CKAP2: variants seen among roughly 807,000 people sequenced by gnomAD.
CKAP2 encodes cytoskeleton associated protein 2.
A neutral mutation model predicts 58.4 loss-of-function variants in CKAP2; 46 were observed. That is an observed-to-expected ratio of 0.79 (90% CI 0.62 to 1.01). CKAP2 has a LOEUF of 1.01. Ranked by LOEUF, CKAP2 falls within the 50% of genes least tolerant of loss-of-function variation. The pLI, the probability that CKAP2 is intolerant of heterozygous loss-of-function variation, is 0.00. For synonymous variants in CKAP2, 293 were observed against 280.9 expected, an observed-to-expected ratio of 1.04 and a Z score of -0.43; for missense variants, 809 against 796.4, an observed-to-expected ratio of 1.02 and a Z score of -0.19.
At chr13:52,459,493 T>A (rs1029668356) in intron 2 of CKAP2, among the ~76,000 whole-genome samples, 13 of 152,044 alleles carry the variant, frequency 8.6e-5, no homozygotes. Context: ...TGGCCAATAT[T>A]TTTGATTTTA....
rs201916462 is a variant in CKAP2, at chr13:52,473,202, CT to C, written c.1547-624del. ...TCATTCTCTGCCATTCTAGACAGTCCTTTACATTGACCAAATTTAATTATGT... is the reference window on the plus strand; with the variant it reads ...TCATTCTCTGCCATTCTAGACAGTCCTTACATTGACCAAATTTAATTATGT... On this transcript the variant is annotated intron_variant, in intron 7 of 8. Coordinates refer to ENST00000258607, the MANE Select transcript of CKAP2 (RefSeq NM_018204.5). Among the ~76,000 whole-genome samples, 1,121 of 152,256 alleles carry C rather than the reference CT, an allele frequency of 7.4e-3. 6 individuals are homozygous for C. The highest frequency in any genetic ancestry group is 0.017 in the African/African-American group (698 of 41,548).
chr13:52,469,589 A>ATTTTTT (rs200067668), intron 7 of CKAP2, among the ~76,000 whole-genome samples: 1 of 140,142 alleles, frequency 7.1e-6, no homozygotes. Flanking sequence ...TTATTTATTT[A>ATTTTTT]TTTATTTATT....
chr13:52,471,517 A>T (rs1315899296), intron 7 of CKAP2, among the ~76,000 whole-genome samples: 5 of 152,166 alleles, frequency 3.3e-5, no homozygotes, highest in Non-Finnish European at 5.9e-5. Context: ...TTAAAAAAAA[A>T]AAAAGGACAA....
intron 7 of CKAP2, 111 bp from the exon 8 acceptor site, chr13:52,473,718 A>G (rs971197043): frequency 9.9e-6 from 9 of 912,844 alleles, no homozygotes; most frequent in African/African-American, 5.0e-5. Context: ...AGAGATGGCA[A>G]TCGTGTTCTT....
intron 5 of CKAP2, among the ~76,000 whole-genome samples, chr13:52,464,553 CAAAAAAAAAAAA>C (rs66481844): frequency 2.5e-5 from 2 of 80,130 alleles, no homozygotes; most frequent in African/African-American, 1.1e-4. Context: ...AACTCCGTCT[CAAAAAAAAAAAA>C]AAAAAAAAAC....
At position 52,462,518 on chromosome 13, in the gene CKAP2, C is replaced by A; in HGVS notation, c.1256C>A (p.Thr419Asn). The stretch of plus-strand genomic sequence containing the variant: ...GAAGAAGATGAACAAAGATTATTTA[C>A]TGAAAAAGTAAACAACACATTTTCT... ...MAEEDEQRLF[T>N]EKVNNTFSEC... Residue 419 changes from threonine (T) to asparagine (N), a missense_variant, in exon 5 of 9, where the codon ACT (threonine) becomes AAT (asparagine). By Grantham distance (65) the Thr-to-Asn change is moderately conservative (BLOSUM62 0). Transcript: ENST00000258607. The A allele has an allele frequency of 6.2e-7, 1 of 1,613,974 alleles. No homozygotes were observed. The highest frequency in any genetic ancestry group is 2.2e-5 in the East Asian group (1 of 44,844).
At chr13:52,468,645 T>C (rs796795342) in intron 7 of CKAP2, among the ~76,000 whole-genome samples, 12 of 152,382 alleles carry the variant, frequency 7.9e-5, no homozygotes, top group African/African-American at 2.9e-4. Context: ...TTTAGTTTTC[T>C]GTTCCTGTGT....
intron 7 of CKAP2, 52 bp from the exon 8 acceptor site, chr13:52,473,777 T>G (rs1223668230): frequency 6.6e-7 from 1 of 1,513,316 alleles, no homozygotes. Context: ...GTCTTCTGAT[T>G]TTGTTCTTAA....
chr13:52,465,997 A>G (rs747453418), intron 6 of CKAP2, among the ~76,000 whole-genome samples: 27 of 151,144 alleles, frequency 1.8e-4, no homozygotes, highest in Non-Finnish European at 3.4e-4. Context: ...ATATGCACAC[A>G]TATATATACA....
In CKAP2 at chr13:52,474,961, A is replaced by G. The variant is rs149052925; in HGVS notation, c.1869A>G (p.Pro623=). 5.9e-4 allele frequency: 956 copies of G among 1,614,032 alleles called. 3 individuals carry two copies. In the African/African-American group the frequency reaches 7.6e-3, roughly 13 times the overall value. Residue 623 remains proline, a synonymous_variant, in exon 9 of 9, where the codon CCA becomes CCG. Coordinates refer to ENST00000258607, the MANE Select transcript of CKAP2 (RefSeq NM_018204.5). ...SAFKELKFLT[P]VRRSRRLQEK... is the part of the protein sequence containing the mutation. ...TTAAAGAGCTGAAGTTTTTAACACC[A>G]GTGAGACGTTCTCGACGTCTTCAAG...
chr13:52,474,762 C>T, intron 8 of CKAP2, 133 bp from the exon 9 acceptor site: 2 of 835,618 alleles, frequency 2.4e-6, no homozygotes, highest in Non-Finnish European at 3.6e-6. Flanking sequence ...GCTTATAGTA[C>T]CTCTCTAAAA....
intron 7 of CKAP2, 125 bp downstream of exon 7, chr13:52,468,472 G>A (rs972654828): frequency 8.4e-6 from 5 of 596,254 alleles, no homozygotes; most frequent in Non-Finnish European, 1.5e-5. Context: ...AAAGGTAAAT[G>A]TGTGTCATGG....
At position 52,474,947 on chromosome 13, in the gene CKAP2, A is replaced by G. The variant is rs376894890; in HGVS notation, c.1855A>G (p.Lys619Glu). 2.8e-5 allele frequency: 45 copies of G among 1,613,212 alleles called. No homozygotes were observed. Among genetic ancestry groups the G allele is most frequent in the Non-Finnish European group, 3.7e-5 (44 of 1,179,252 alleles). Residue 619 changes from lysine (K) to glutamate (E), a missense_variant, in exon 9 of 9, where the codon AAG (lysine) becomes GAG (glutamate). By Grantham distance (56) the Lys-to-Glu change is moderately conservative (BLOSUM62 1). This residue lies in a region of CKAP2 where 283 missense variants were observed against 287.6 expected (regional missense o/e 0.98). Coordinates refer to ENST00000258607, the MANE Select transcript of CKAP2 (RefSeq NM_018204.5). The part of the protein sequence containing the change: ...DGTNSAFKEL[K>E]FLTPVRRSRR... ...AACAAATTCCGCATTTAAAGAGCTG[A>G]AGTTTTTAACACCAGTGAGACGTTC...
chr13:52,474,035 A>G lies in CKAP2; in HGVS notation c.1753A>G (p.Thr585Ala). The change falls in exon 8 of 9, where the codon ACA (threonine) becomes GCA (alanine). Residue 585 changes from threonine (T) to alanine (A), a missense_variant. Transcript: ENST00000258607. ...DVKTPNTETR[T>A]SCLIKYNVST... ...TAAAACCCCCAATACAGAAACGAGG[A>G]CAAGTTGCTTAATTAAATATAATGT... is the stretch of plus-strand genomic sequence containing the variant. The G allele has an allele frequency of 1.2e-6, 2 of 1,613,994 alleles. No individual in the cohort carries two copies. The highest frequency in any genetic ancestry group is 4.5e-5 in the East Asian group (2 of 44,858).
At position 52,468,260 on chromosome 13, in the gene CKAP2, T is replaced by A; in HGVS notation, c.1477-18T>A. On this transcript the variant is annotated intron_variant, in intron 6 of 8. Coordinates refer to ENST00000258607, the MANE Select transcript of CKAP2 (RefSeq NM_018204.5). ...ATAAAACTTACATGGATCTGCTTTC[T>A]TCATTAAAAAAATTAAGCCTATTGA... is the stretch of plus-strand genomic sequence containing the variant. The A allele has an allele frequency of 2.0e-6, 3 of 1,501,074 alleles. No homozygotes were observed. The highest frequency in any genetic ancestry group is 2.7e-6 in the Non-Finnish European group (3 of 1,095,828). The allele number at this position is 1,501,074 out of a possible 1,614,324, so 93.0% of individuals were successfully genotyped here.
rs1328274830 is a variant in CKAP2 at position 52,462,498 on chromosome 13, A to G, written c.1236A>G (p.Glu412=). Residue 412 remains glutamate, a synonymous_variant, in exon 5 of 9, where the codon GAA becomes GAG. Transcript: ENST00000258607. ...CTTTTTGGACTACCATGGCAGAAGA[A>G]GATGAACAAAGATTATTTACTGAAA... ...VGSFWTTMAE[E]DEQRLFTEKV... 1 of 1,614,008 alleles carries G rather than the reference A, an allele frequency of 6.2e-7. No individual in the cohort carries two copies. The highest frequency in any genetic ancestry group is 8.5e-7 in the Non-Finnish European group (1 of 1,180,028).
chr13:52,460,295 C>G (rs905852074), intron 2 of CKAP2, among the ~76,000 whole-genome samples: 6 of 151,906 alleles, frequency 3.9e-5, no homozygotes, highest in African/African-American at 1.5e-4. Context: ...TAAAACTAAC[C>G]CAAGGAGGTA....
In CKAP2 at chr13:52,474,976, A is replaced by G; in HGVS notation, c.1884A>G (p.Arg628=). Residue 628 remains arginine, a synonymous_variant, in exon 9 of 9, where the codon CGA becomes CGG. Transcript: ENST00000258607. ...LKFLTPVRRS[R]RLQEKTSKLP... is the part of the protein sequence containing the mutation. ...TTTTAACACCAGTGAGACGTTCTCGACGTCTTCAAGAGAAAACTTCTAAAT... is the reference window on the plus strand; with the variant it reads ...TTTTAACACCAGTGAGACGTTCTCGGCGTCTTCAAGAGAAAACTTCTAAAT... 6.2e-7 allele frequency: 1 copy of G among 1,614,188 alleles called. No homozygotes were observed. Among genetic ancestry groups the G allele is most frequent in the Non-Finnish European group, 8.5e-7 (1 of 1,180,010 alleles).
chr13:52,458,808 G>T (rs933166751), intron 2 of CKAP2, among the ~76,000 whole-genome samples: 3 of 150,842 alleles, frequency 2.0e-5, no homozygotes, highest in Admixed American at 2.0e-4. Flanking sequence ...AGTGAGCCAA[G>T]ATCAGGCCAT....
Sources: allele counts gnomAD v4.1 joint callset (sites outside exome capture counted in the v4.1 genomes callset), GRCh38; gene constraint gnomAD v4.1.1; regional missense constraint gnomAD v4.1.1; transcripts MANE v1.5; gene names NCBI Gene and HGNC (gene_info 2026-07-23, HGNC 2026-07-21).